The following SPATC1L variants were observed in gnomAD, a reference collection of about 807,000 sequenced individuals.
The protein encoded by SPATC1L is speriolin-like protein.
A neutral mutation model predicts 21.2 loss-of-function variants in SPATC1L; 20 were observed. The ratio of observed to expected loss-of-function variants is 0.94; its 90% CI spans 0.66 to 1.37. The LOEUF is 1.37. Ranked by LOEUF, SPATC1L falls within the 40% of genes most tolerant of loss-of-function variation. The pLI is 0.00. For synonymous variants in SPATC1L, 290 were observed against 234.5 expected (o/e 1.24, Z -2.16); for missense variants, 499 against 478.7 (o/e 1.04, Z -0.40).
rs1303511340 is a variant in SPATC1L at position 46,161,563 on chromosome 21, TTGA to T, written c.836_838del (p.Ile279del). On this transcript the variant is annotated inframe_deletion, in exon 5 of 5. Coordinates refer to ENST00000291672, the MANE Select transcript of SPATC1L (RefSeq NM_001142854.2). ...CCGCTGCTTCAGGATTCCGTAGGTG[TTGA>T]TGAGGAACTCGCTGAACGCCGGGTG... 5 of 1,610,778 alleles carry T rather than the reference TTGA, an allele frequency of 3.1e-6. No individual in the cohort carries two copies. The East Asian group carries it at 8.9e-5, about 29-fold the overall frequency.
At chr21:46,171,817 C>A (rs2079592441) in intron 2 of SPATC1L, among the ~76,000 whole-genome samples, 1 of 151,286 alleles carries the variant, frequency 6.6e-6, no homozygotes, top group Admixed American at 6.6e-5. Context: ...AGTTCCCAAA[C>A]AAGTCATAAT....
chr21:46,161,820 G>A (rs3747001), intron 4 of SPATC1L, 96 bp downstream of exon 4: 198,671 of 1,523,346 alleles, frequency 0.13, 17,619 homozygotes, highest in East Asian at 0.52. Flanking sequence ...CCCCTCCTGC[G>A]GACAGTGCCC....
In SPATC1L at chr21:46,168,660, T is replaced by C. The variant is rs1483407085; in HGVS notation, c.194-2A>G. 2 of 1,357,578 alleles carry C rather than the reference T, an allele frequency of 1.5e-6. No individual in the cohort carries two copies. Among genetic ancestry groups the C allele is most frequent in the East Asian group, 5.4e-5 (2 of 37,050 alleles). 84.1% of individuals were successfully genotyped at this position (1,357,578 alleles called of 1,614,324 possible). On this transcript the variant is annotated splice_acceptor_variant, in intron 2 of 4. Coordinates refer to ENST00000291672, the MANE Select transcript of SPATC1L (RefSeq NM_001142854.2). LOFTEE classifies it high-confidence loss of function. ...TCGTGAACCTTCCGAAATCTGGAAC[T>C]GAGGCGGGGAGGAAAGGGATGAGAA...
intron 2 of SPATC1L, among the ~76,000 whole-genome samples, 188 bp from the exon 3 acceptor site, chr21:46,168,846 G>A (rs1412044516): frequency 6.6e-6 from 1 of 152,148 alleles, no homozygotes; most frequent in Non-Finnish European, 1.5e-5. Context: ...GCTGGATGTG[G>A]TGAAGTGGCC....
At chr21:46,168,277 C>A in intron 3 of SPATC1L, 31 bp downstream of exon 3, 2 of 1,460,220 alleles carry the variant, frequency 1.4e-6, no homozygotes, top group South Asian at 2.7e-5. Flanking sequence ...GCACTGGGGG[C>A]CCCCCCAGGT....
In SPATC1L at chr21:46,179,451, AC is replaced by A. The variant is rs569956078; in HGVS notation, c.193+3172del. Among the ~76,000 whole-genome samples the A allele has an allele frequency of 3.2e-3, 483 of 152,242 alleles. 31 individuals carry two copies. In the South Asian group the frequency reaches 0.087, roughly 27 times the overall value. On this transcript the variant is annotated intron_variant, in intron 2 of 4. Transcript: ENST00000291672. ...AACCTTAAATATAAAAATTCTTAAA[AC>A]CTTTTTTGTGGTGCTATTTACCTCA...
intron 3 of SPATC1L, among the ~76,000 whole-genome samples, chr21:46,164,329 A>G (rs1403219960): frequency 6.6e-6 from 1 of 152,092 alleles, no homozygotes; most frequent in Admixed American, 6.6e-5. Flanking sequence ...GTCTTCTTTC[A>G]TTCCTTTCAG....
At chr21:46,179,104 C>T (rs8129484) in intron 2 of SPATC1L, among the ~76,000 whole-genome samples, 17,387 of 151,364 alleles carry the variant, frequency 0.11, 1,804 homozygotes, top group African/African-American at 0.28. Context: ...TTTAACTAGC[C>T]GCTCATGGTG....
In SPATC1L at chr21:46,161,970, G is replaced by T; in HGVS notation, c.642C>A (p.Gly214=). 1 of 1,607,980 alleles carries T rather than the reference G, an allele frequency of 6.2e-7. No individual in the cohort carries two copies. Residue 214 remains glycine, a synonymous_variant, in exon 4 of 5, where the codon GGC becomes GGA. Transcript: ENST00000291672. ...DRRILAYVFP[G]VTRLYGFTVA... is the part of the protein sequence containing the mutation. ...CCGTGAAGCCGTAGAGCCGCGTCAC[G>T]CCCGGGAACACGTAGGCCAGGATGC...
chr21:46,182,631 C>A lies in SPATC1L; in HGVS notation c.186G>T (p.Gly62=). The change falls in exon 2 of 5, where the codon GGG becomes GGT. Residue 62 remains glycine (G), a synonymous_variant. Coordinates refer to ENST00000291672, the MANE Select transcript of SPATC1L (RefSeq NM_001142854.2). ...AGCTGGGCGGCGCCTCACCTCCGCT[C>A]CCGGGGGAGCCGGCCTCAGGGTAGG... ...AHAYPEAGSP[G]SGVPDFGRFT... The A allele has an allele frequency of 6.6e-7, 1 of 1,512,386 alleles. No homozygotes were observed. The highest frequency in any genetic ancestry group is 8.8e-7 in the Non-Finnish European group (1 of 1,130,942). 93.7% of individuals were successfully genotyped at this position (1,512,386 alleles called of 1,614,324 possible).
At chr21:46,166,857 T>G (rs1225607004) in intron 3 of SPATC1L, among the ~76,000 whole-genome samples, 4 of 152,200 alleles carry the variant, frequency 2.6e-5, no homozygotes, top group African/African-American at 9.6e-5. Flanking sequence ...ATTTTCACCC[T>G]TGGACAGATC....
At chr21:46,171,487 T>C (rs1276704301) in intron 2 of SPATC1L, among the ~76,000 whole-genome samples, 2 of 151,312 alleles carry the variant, frequency 1.3e-5, no homozygotes, top group African/African-American at 4.9e-5. Flanking sequence ...TCTGAAATGT[T>C]TTCCAAGGAA....
In SPATC1L at chr21:46,162,590, C is replaced by CTTT. The variant is rs3057184; in HGVS notation, c.545-526_545-524dup. 6.0e-4 allele frequency among the ~76,000 whole-genome samples: 80 copies of CTTT among 133,404 alleles called. 15 individuals carry two copies. The highest frequency in any genetic ancestry group is 8.3e-4 in the Non-Finnish European group (54 of 64,938). 87.5% of individuals were successfully genotyped at this position (133,404 alleles called of 152,430 possible). On this transcript the variant is annotated intron_variant, in intron 3 of 4. Transcript: ENST00000291672. Reference sequence around the variant, plus strand: ...GAAAAGGACCGCTGGGTTGGCAGGACTTTTTTTTTTTTCTTAGACAGAGTC... The same window carrying CTTT: ...GAAAAGGACCGCTGGGTTGGCAGGACTTTTTTTTTTTTTTTCTTAGACAGAGTC...
At chr21:46,183,964 C>G (rs2079703328) in intron 1 of SPATC1L, among the ~76,000 whole-genome samples, 190 bp from the exon 2 acceptor site, 1 of 127,142 alleles carries the variant, frequency 7.9e-6, no homozygotes, top group South Asian at 2.7e-4. Flanking sequence ...GGGGAGGAGA[C>G]CAGTCTTGCG....
intron 2 of SPATC1L, among the ~76,000 whole-genome samples, chr21:46,178,031 C>T (rs1400711978): frequency 6.6e-6 from 1 of 152,064 alleles, no homozygotes; most frequent in Admixed American, 6.5e-5. Flanking sequence ...GTCAGGAGTT[C>T]GAGACCAGCC....
Position 46,161,994 on chromosome 21 carries a change from G to T in SPATC1L, c.618C>A (p.Arg206=). 6.2e-7 allele frequency: 1 copy of T among 1,605,198 alleles called. No individual in the cohort carries two copies. Residue 206 remains arginine, a synonymous_variant, in exon 4 of 5, where the codon CGC becomes CGA. Transcript: ENST00000291672. ...VGEIAFQLDR[R]ILAYVFPGVT... is the part of the protein sequence containing the mutation. ...CGCCCGGGAACACGTAGGCCAGGATGCGGCGGTCCAGCTGGAAGGCGATCT... is the reference window on the plus strand; with the variant it reads ...CGCCCGGGAACACGTAGGCCAGGATTCGGCGGTCCAGCTGGAAGGCGATCT...
At chr21:46,184,114 A>G (rs1040982843) in intron 1 of SPATC1L, among the ~76,000 whole-genome samples, 1 of 151,252 alleles carries the variant, frequency 6.6e-6, no homozygotes, top group Admixed American at 6.6e-5. Flanking sequence ...AGGGTCCAGC[A>G]GTGCATGTCC....
chr21:46,176,237 C>T (rs2079632353), intron 2 of SPATC1L, among the ~76,000 whole-genome samples: 1 of 152,176 alleles, frequency 6.6e-6, no homozygotes. Context: ...CAAGAATGCC[C>T]TCTCTCACCA....
rs1569006742 is a variant in SPATC1L at position 46,183,307 on chromosome 21, G to A, written c.-491C>T. ...CCAGTGCAGCTTCCTGTGGACCCTG[G>A]CACCCAGGGCAGCAACTGATGTGCA... is the stretch of plus-strand genomic sequence containing the variant. On this transcript the variant is annotated 5_prime_UTR_variant, in exon 2 of 5. Coordinates refer to ENST00000291672, the MANE Select transcript of SPATC1L (RefSeq NM_001142854.2). 2 of 167,690 alleles carry A rather than the reference G, an allele frequency of 1.2e-5. No homozygotes were observed. The highest frequency in any genetic ancestry group is 2.6e-5 in the Non-Finnish European group (2 of 77,936). The allele number at this position is 167,690 out of a possible 1,614,324, so 10.4% of individuals were successfully genotyped here.
Sources: gnomAD v4.1 joint callset for allele counts (sites outside exome capture counted in the v4.1 genomes callset) on GRCh38, gnomAD v4.1.1 for gene constraint, MANE v1.5 for transcripts, NCBI Gene and HGNC (gene_info 2026-07-23, HGNC 2026-07-21) for gene names.